ZRANB3: variants seen among roughly 807,000 people sequenced by gnomAD.
ZRANB3 encodes the protein DNA annealing helicase and endonuclease ZRANB3.
Under a neutral mutation model 133.8 loss-of-function variants are expected in ZRANB3, and 125 were observed. The ratio of observed to expected loss-of-function variants is 0.93; its 90% CI spans 0.81 to 1.08. The LOEUF is 1.08. Among genes scored for constraint, ZRANB3 ranks in the 50% least tolerant of loss-of-function variants. The probability of loss-of-function intolerance (pLI) is 0.00; values close to 1 mark genes in which losing one functional copy is unlikely to be tolerated. For synonymous variants in ZRANB3, 387 were observed against 432.7 expected (o/e 0.89, Z 1.31); for missense variants, 1,229 against 1,275.5 (o/e 0.96, Z 0.56).
At chr2:135,350,244 AAT>A in intron 4 of ZRANB3, 29 bp from the exon 5 acceptor site, 5 of 1,493,216 alleles carry the variant, frequency 3.3e-6, no homozygotes, top group Non-Finnish European at 3.6e-6. Context: ...GTACTTAAAA[AAT>A]ATCTCAGTAA....
At chr2:135,440,265 T>C (rs548481588) in intron 2 of ZRANB3, among the ~76,000 whole-genome samples, 1 of 152,238 alleles carries the variant, frequency 6.6e-6, no homozygotes, top group African/African-American at 2.4e-5. Flanking sequence ...ATGTCTATTT[T>C]ACCACAGTCC....
At chr2:135,409,839 G>A (rs1688222575) in intron 2 of ZRANB3, among the ~76,000 whole-genome samples, 1 of 152,048 alleles carries the variant, frequency 6.6e-6, no homozygotes, top group African/African-American at 2.4e-5. Flanking sequence ...TAATGTTCAA[G>A]CTGAAAACCA....
rs530646837 is a variant in ZRANB3 at position 135,253,940 on chromosome 2, A to T, written c.1539+11594T>A. Among the ~76,000 whole-genome samples the T allele has an allele frequency of 2.9e-3, 444 of 152,274 alleles. 3 individuals carry two copies. The highest frequency in any genetic ancestry group is 1.8e-3 in the Non-Finnish European group (122 of 68,018). On this transcript the variant is annotated intron_variant, in intron 12 of 20. Transcript: ENST00000264159. ...TTGAAGACAGATATCTGATCATGTTATTTATCTGCTTAAAAACATCTCATG... is the reference window on the plus strand; with the variant it reads ...TTGAAGACAGATATCTGATCATGTTTTTTATCTGCTTAAAAACATCTCATG...
intron 8 of ZRANB3, among the ~76,000 whole-genome samples, chr2:135,308,483 T>C (rs1394508485): frequency 6.6e-6 from 1 of 152,254 alleles, no homozygotes; most frequent in Admixed American, 6.5e-5. Flanking sequence ...TAGCACCTGC[T>C]AGATGCCAGT....
intron 2 of ZRANB3, among the ~76,000 whole-genome samples, chr2:135,394,244 A>G (rs893702673): frequency 6.6e-6 from 1 of 152,206 alleles, no homozygotes; most frequent in African/African-American, 2.4e-5. Context: ...CAAGATTACC[A>G]AAATTACACC....
chr2:135,223,386 C>T (rs1012204338), intron 15 of ZRANB3, among the ~76,000 whole-genome samples: 8 of 149,902 alleles, frequency 5.3e-5, no homozygotes, highest in Admixed American at 3.3e-4. Context: ...AGTGCAGTGG[C>T]GCGATCTTGG....
chr2:135,347,939 A>G (rs987140956), intron 5 of ZRANB3, among the ~76,000 whole-genome samples: 8 of 152,102 alleles, frequency 5.3e-5, no homozygotes, highest in Admixed American at 1.3e-4. Flanking sequence ...CCCACAGCAA[A>G]TAGAAGGAAG....
chr2:135,263,727 A>G (rs1680080545), intron 12 of ZRANB3, among the ~76,000 whole-genome samples: 1 of 152,116 alleles, frequency 6.6e-6, no homozygotes, highest in Non-Finnish European at 1.5e-5. Flanking sequence ...AAAAAAAGGT[A>G]AAGGATTATA....
intron 2 of ZRANB3, among the ~76,000 whole-genome samples, chr2:135,500,440 G>C (rs1387585814): frequency 6.6e-6 from 1 of 152,138 alleles, no homozygotes; most frequent in Non-Finnish European, 1.5e-5. Context: ...ACATGGCAAT[G>C]AGAATGAACG....
chr2:135,351,944 T>G (rs1685226626), intron 4 of ZRANB3, among the ~76,000 whole-genome samples: 1 of 152,062 alleles, frequency 6.6e-6, no homozygotes, highest in Non-Finnish European at 1.5e-5. Context: ...ACTGCAAGAG[T>G]GTATTTTCAA....
chr2:135,274,668 C>T (rs1680696865), intron 9 of ZRANB3, among the ~76,000 whole-genome samples: 1 of 151,268 alleles, frequency 6.6e-6, no homozygotes, highest in South Asian at 2.1e-4. Context: ...GGGTGTTTCT[C>T]GCAGAGGGGG....
chr2:135,494,322 A>AG (rs1212023951), intron 2 of ZRANB3, among the ~76,000 whole-genome samples: 4 of 151,156 alleles, frequency 2.6e-5, no homozygotes, highest in Non-Finnish European at 3.0e-5. Flanking sequence ...AAAAAAAAAA[A>AG]AGAAAAGAAA....
chr2:135,386,863 G>T (rs1224590729), intron 3 of ZRANB3, among the ~76,000 whole-genome samples: 1 of 151,954 alleles, frequency 6.6e-6, no homozygotes, highest in Admixed American at 6.6e-5. Flanking sequence ...CTGGGGGAGG[G>T]ATAGCATTAG....
At chr2:135,469,068 C>CA (rs1281046845) in intron 2 of ZRANB3, among the ~76,000 whole-genome samples, 1 of 152,076 alleles carries the variant, frequency 6.6e-6, no homozygotes, top group Non-Finnish European at 1.5e-5. Flanking sequence ...GATTACAATT[C>CA]AAAACTAAAC....
At chr2:135,431,048 G>A (rs1689297352) in intron 2 of ZRANB3, among the ~76,000 whole-genome samples, 1 of 151,878 alleles carries the variant, frequency 6.6e-6, no homozygotes, top group African/African-American at 2.4e-5. Flanking sequence ...GCTGAGGCAG[G>A]AGGACTGCTG....
At chr2:135,251,235 A>T (rs1679378905) in intron 12 of ZRANB3, among the ~76,000 whole-genome samples, 1 of 152,132 alleles carries the variant, frequency 6.6e-6, no homozygotes, top group South Asian at 2.1e-4. Context: ...GAATAGCTGT[A>T]TTTAACCTGT....
intron 2 of ZRANB3, among the ~76,000 whole-genome samples, chr2:135,416,373 A>G (rs984670424): frequency 6.6e-6 from 1 of 152,170 alleles, no homozygotes; most frequent in Admixed American, 6.6e-5. Flanking sequence ...TTCAAAGAGA[A>G]TAAAATACTT....
chr2:135,246,153 C>T (rs1364857322), intron 12 of ZRANB3, among the ~76,000 whole-genome samples: 1 of 150,308 alleles, frequency 6.7e-6, no homozygotes, highest in African/African-American at 2.4e-5. Flanking sequence ...ATTCTCCTGC[C>T]TCAGCCTCCC....
At chr2:135,406,295 A>G (rs184414314) in intron 2 of ZRANB3, among the ~76,000 whole-genome samples, 2 of 152,278 alleles carry the variant, frequency 1.3e-5, no homozygotes, top group East Asian at 3.9e-4. Context: ...CTCTGAATAG[A>G]CCAAAAACAG....
Sources: allele counts gnomAD v4.1 joint callset (sites outside exome capture counted in the v4.1 genomes callset), GRCh38; gene constraint gnomAD v4.1.1; transcripts MANE v1.5; gene names NCBI Gene and HGNC (gene_info 2026-07-23, HGNC 2026-07-21).